Variants in NPHP3 observed in about 807,000 individuals in gnomAD.
NPHP3 encodes the protein nephrocystin 3, also known as nephrocystin-3.
NPHP3 carries 123 observed loss-of-function variants against 171.9 expected under a neutral mutation model. The ratio of observed to expected loss-of-function variants is 0.72; its 90% CI spans 0.62 to 0.83. NPHP3 has a LOEUF of 0.83. NPHP3 is among the 40% of genes least tolerant of loss of function. The probability of loss-of-function intolerance (pLI) is 0.00; values close to 1 mark genes in which losing one functional copy is unlikely to be tolerated. For missense variants in NPHP3, 1,506 were observed against 1,591.9 expected (o/e 0.95, Z 0.92); for synonymous variants, 558 against 579.2 (o/e 0.96, Z 0.52).
Position 132,684,624 on chromosome 3 carries a change from C to A in NPHP3, c.3500G>T (p.Arg1167Leu), listed in dbSNP as rs111727307. The change falls in exon 24 of 27, where the codon CGT becomes CTT. Residue 1167 changes from arginine (R) to leucine (L), a missense_variant. Transcript: ENST00000337331. ...LYERALDIRR[R>L]ALAPDHPSLA... is the part of the protein sequence containing the mutation. ...AGAAGGGTGATCAGGAGCTAATGCA[C>A]GTCTCCGAATATCTAAAGCTCTTTC... 4 of 1,613,856 alleles carry A rather than the reference C, an allele frequency of 2.5e-6. No individual in the cohort carries two copies. The highest frequency in any genetic ancestry group is 3.4e-6 in the Non-Finnish European group (4 of 1,179,900).
At chr3:132,704,955 A>G (rs115897279) in intron 8 of NPHP3, among the ~76,000 whole-genome samples, 2,263 of 152,308 alleles carry the variant, frequency 0.015, 55 homozygotes, top group African/African-American at 0.051. Context: ...AGAGAGCACC[A>G]TACAAAATGT....
intron 6 of NPHP3, among the ~76,000 whole-genome samples, chr3:132,711,733 G>T (rs1277730686): frequency 6.6e-6 from 1 of 152,062 alleles, no homozygotes; most frequent in Non-Finnish European, 1.5e-5. Flanking sequence ...CAATCATTAA[G>T]TAATAAGATA....
At chr3:132,695,786 A>G (rs1289843054) in intron 15 of NPHP3, among the ~76,000 whole-genome samples, 5 of 152,064 alleles carry the variant, frequency 3.3e-5, no homozygotes, top group African/African-American at 4.8e-5. Context: ...ATACAAAAAT[A>G]AGCCAGGCAT....
Position 132,722,150 on chromosome 3 carries a change from A to G in NPHP3, c.206T>C (p.Leu69Pro). ...AGTGGACTTGAAGCTGGCCCCCAGC[A>G]GCCCGCCCGCGCCCACCCCGCGGGG... is the stretch of plus-strand genomic sequence containing the variant. Reference protein sequence around the residue: ...SLPRGVGAGGLLGASFKSTGS... With the variant: ...SLPRGVGAGGPLGASFKSTGS... Residue 69 changes from leucine (L) to proline (P), a missense_variant, in exon 1 of 27, where the codon CTG becomes CCG. Coordinates refer to ENST00000337331, the MANE Select transcript of NPHP3 (RefSeq NM_153240.5). The G allele has an allele frequency of 6.3e-7, 1 of 1,588,380 alleles. No homozygotes were observed. The highest frequency in any genetic ancestry group is 8.5e-7 in the Non-Finnish European group (1 of 1,173,368).
intron 16 of NPHP3, chr3:132,693,997 G>A (rs1399505603): frequency 6.6e-6 from 1 of 151,960 alleles, no homozygotes; most frequent in African/African-American, 2.4e-5. Context: ...ATATATATAT[G>A]GAAAATTAGA....
chr3:132,720,639 A>G (rs1288207856), intron 1 of NPHP3, among the ~76,000 whole-genome samples: 1 of 152,178 alleles, frequency 6.6e-6, no homozygotes, highest in Non-Finnish European at 1.5e-5. Flanking sequence ...ACAACAGCTA[A>G]TGAGGGAGTT....
intron 13 of NPHP3, among the ~76,000 whole-genome samples, chr3:132,698,190 A>T (rs1456480200): frequency 6.6e-6 from 1 of 152,090 alleles, no homozygotes; most frequent in Admixed American, 6.5e-5. Context: ...ACTGTTGGCC[A>T]GGCTGGTCTT....
At chr3:132,699,896 G>T in intron 12 of NPHP3, 22 bp downstream of exon 12, 1 of 1,612,860 alleles carries the variant, frequency 6.2e-7, no homozygotes, top group Non-Finnish European at 8.5e-7. Context: ...CATATCAATA[G>T]GTAACAAATG....
intron 23 of NPHP3, 92 bp downstream of exon 23, chr3:132,686,168 T>C: frequency 7.1e-7 from 1 of 1,403,754 alleles, no homozygotes; most frequent in Non-Finnish European, 1.0e-6. Context: ...TATCATTTTT[T>C]TTCTAGCTTT....
At chr3:132,693,154 T>C (rs952835253) in intron 16 of NPHP3, 1 of 267,158 alleles carries the variant, frequency 3.7e-6, no homozygotes, top group Non-Finnish European at 7.2e-6. Context: ...CCTCCTATTA[T>C]AAACACGTAT....
At chr3:132,691,842 T>A (rs1939307149) in intron 17 of NPHP3, among the ~76,000 whole-genome samples, 1 of 152,212 alleles carries the variant, frequency 6.6e-6, no homozygotes, top group South Asian at 2.1e-4. Context: ...TTTCATAAAC[T>A]GCCAAAGTCC....
At chr3:132,687,254 CAAAA>C in intron 21 of NPHP3, 28 bp from the exon 22 acceptor site, 1 of 973,064 alleles carries the variant, frequency 1.0e-6, no homozygotes, top group Non-Finnish European at 1.6e-6. Context: ...GTAAGTCAAA[CAAAA>C]GAAACATATT....
chr3:132,709,272 CTTTTTTTTTTT>C (rs3046397), intron 6 of NPHP3, among the ~76,000 whole-genome samples: 13 of 75,966 alleles, frequency 1.7e-4, no homozygotes, highest in African/African-American at 5.0e-4. Context: ...CTTTCTCTCC[CTTTTTTTTTTT>C]TTTTTTTTTT....
At position 132,722,260 on chromosome 3, in the gene NPHP3, C is replaced by G; in HGVS notation, c.96G>C (p.Val32=). 1.3e-6 allele frequency: 2 copies of G among 1,576,706 alleles called. No individual in the cohort carries two copies. The highest frequency in any genetic ancestry group is 1.7e-6 in the Non-Finnish European group (2 of 1,170,500). ...GCAGGCGGGCCTTGGGCTTCACCTC[C>G]ACCGGGATCTCGCAGGCCTCGCCGC... ...AGGGEACEIP[V]EVKPKARLLR... is the part of the protein sequence containing the mutation. The change falls in exon 1 of 27, where the codon GTG becomes GTC. Residue 32 remains valine (V), a synonymous_variant. Coordinates refer to ENST00000337331, the MANE Select transcript of NPHP3 (RefSeq NM_153240.5).
chr3:132,713,334 A>T (rs1405548694), intron 5 of NPHP3, 48 bp from the exon 6 acceptor site: 1 of 1,293,190 alleles, frequency 7.7e-7, no homozygotes, highest in South Asian at 1.3e-5. Context: ...TTAACTAAAG[A>T]TCAAGTGAGA....
intron 3 of NPHP3, among the ~76,000 whole-genome samples, chr3:132,717,752 C>CTTTTT (rs959757847): frequency 1.2e-3 from 96 of 81,240 alleles, no homozygotes; most frequent in Non-Finnish European, 1.4e-3. Context: ...CATTAAGAAT[C>CTTTTT]TTTTTTTTTT....
At chr3:132,706,942 G>T (rs1560011441) in intron 7 of NPHP3, among the ~76,000 whole-genome samples, 1 of 152,112 alleles carries the variant, frequency 6.6e-6, no homozygotes, top group Non-Finnish European at 1.5e-5. Flanking sequence ...AGTTTTATGT[G>T]TCATGCTGCT....
In NPHP3 at chr3:132,687,167, T is replaced by G; in HGVS notation, c.3185A>C (p.Lys1062Thr). Residue 1062 changes from lysine to threonine, a missense_variant, in exon 22 of 27, where the codon AAG becomes ACG. Around this residue, in one of 3 missense-constraint regions of NPHP3, gnomAD observed 569 missense variants for 648.1 expected, o/e 0.88. Transcript: ENST00000337331. Reference protein sequence around the residue: ...KSFKIHQKAIKKKGNLYGFAL... With the variant: ...KSFKIHQKAITKKGNLYGFAL... ...TCTCCTTACCAAGTTGCCTTTTTTC[T>G]TTATAGCTTTCTGATGAATTTTAAA... The G allele has an allele frequency of 6.8e-7, 1 of 1,472,500 alleles. No homozygotes were observed. Among genetic ancestry groups the G allele is most frequent in the Non-Finnish European group, 9.5e-7 (1 of 1,053,676 alleles). The allele number at this position is 1,472,500 out of a possible 1,614,324, so 91.2% of individuals were successfully genotyped here.
rs1238783621 is a variant in NPHP3, at chr3:132,692,758, A to G, written c.2371T>C (p.Tyr791His). ...GVSESELMEL[Y>H]PEMSWTFLTS... ...AAGAAAGTCCAGGACATCTCAGGAT[A>G]GAGTTCCATCAGTTCTGATTCACTC... Residue 791 changes from tyrosine (Y) to histidine (H), a missense_variant, in exon 17 of 27, where the codon TAT becomes CAT. Physicochemically the swap from Tyr to His is moderately conservative, Grantham distance 83. Transcript: ENST00000337331. 4 of 1,613,946 alleles carry G rather than the reference A, an allele frequency of 2.5e-6. No individual in the cohort carries two copies. The Admixed American group carries it at 6.7e-5, about 27-fold the overall frequency.
Sources: gnomAD v4.1 joint callset for allele counts (sites outside exome capture counted in the v4.1 genomes callset) on GRCh38, gnomAD v4.1.1 for gene constraint, gnomAD v4.1.1 regional missense constraint, MANE v1.5 for transcripts, NCBI Gene and HGNC (gene_info 2026-07-23, HGNC 2026-07-21) for gene names.